The following SIL1 variants were observed in gnomAD, a reference collection of about 807,000 sequenced individuals.
The protein encoded by SIL1 is SIL1 nucleotide exchange factor, also known as nucleotide exchange factor SIL1.
Under a neutral mutation model 49.1 loss-of-function variants are expected in SIL1, and 40 were observed. That is an observed-to-expected ratio of 0.81 (90% CI 0.63 to 1.06). The LOEUF is 1.06. SIL1 is among the 50% of genes least tolerant of loss of function. The probability of loss-of-function intolerance (pLI) is 0.00; values close to 1 mark genes in which losing one functional copy is unlikely to be tolerated. For synonymous variants in SIL1, 253 were observed against 250.8 expected (o/e 1.01, Z -0.08); for missense variants, 500 against 572.6 (o/e 0.87, Z 1.29).
chr5:138,951,039 G>A, intron 9 of SIL1, 132 bp downstream of exon 9: 1 of 1,032,486 alleles, frequency 9.7e-7, no homozygotes, highest in Non-Finnish European at 1.5e-6. Flanking sequence ...CCAACTGTCT[G>A]TCTGTCCATC....
rs1580971319 is a variant in SIL1 at position 138,947,102 on chromosome 5, T to C, written c.*15A>G. ...CCTCACTAGCGGCATCCCAGTCCAG[T>C]CCTGGTGTGGGGCCTCATCTCAGCT... On this transcript the variant is annotated 3_prime_UTR_variant, in exon 10 of 10. Coordinates refer to ENST00000394817, the MANE Select transcript of SIL1 (RefSeq NM_022464.5). This position sits in a 1 kb window ranked among gnomAD's most constrained non-coding sequence, Gnocchi z 4.1. The C allele has an allele frequency of 6.3e-7, 1 of 1,597,468 alleles. No individual in the cohort carries two copies. Among genetic ancestry groups the C allele is most frequent in the Non-Finnish European group, 8.6e-7 (1 of 1,166,932 alleles).
chr5:139,045,263 G>A (rs1769131239), intron 4 of SIL1, among the ~76,000 whole-genome samples: 1 of 152,162 alleles, frequency 6.6e-6, no homozygotes, highest in South Asian at 2.1e-4. Flanking sequence ...AGCCTGAGGT[G>A]GGAGGATTGC....
chr5:139,028,390 C>T (rs1407597229), intron 5 of SIL1, among the ~76,000 whole-genome samples: 1 of 151,906 alleles, frequency 6.6e-6, no homozygotes, highest in African/African-American at 2.4e-5. Context: ...CCCAGCTACT[C>T]GGGAGGCTGA....
chr5:139,055,793 G>T (rs1459855047), intron 3 of SIL1, among the ~76,000 whole-genome samples: 1 of 124,354 alleles, frequency 8.0e-6, no homozygotes, highest in African/African-American at 3.5e-5. Context: ...GCCTCAGCCT[G>T]CCGAGTGCCT....
chr5:139,181,098 C>T (rs918733363), intron 1 of SIL1, among the ~76,000 whole-genome samples: 6 of 152,166 alleles, frequency 3.9e-5, no homozygotes, highest in African/African-American at 1.4e-4. Context: ...CATTATTGTG[C>T]TTTTTTTCTG....
At chr5:139,128,247 T>C (rs1750793537) in intron 1 of SIL1, among the ~76,000 whole-genome samples, 1 of 152,126 alleles carries the variant, frequency 6.6e-6, no homozygotes, top group South Asian at 2.1e-4. Flanking sequence ...ACCACCCACT[T>C]CTAAAACACA....
chr5:139,129,062 G>A (rs772085732), intron 1 of SIL1, among the ~76,000 whole-genome samples: 4 of 152,134 alleles, frequency 2.6e-5, no homozygotes, highest in African/African-American at 9.7e-5. Context: ...TGGGAGGATC[G>A]CGTAAGCCTG....
Position 139,177,230 on chromosome 5 carries a change from C to A in SIL1, c.-11+21039G>T, listed in dbSNP as rs191003677. Among the ~76,000 whole-genome samples the A allele has an allele frequency of 1.3e-3, 191 of 150,726 alleles. 1 individual carries two copies. Among genetic ancestry groups the A allele is most frequent in the African/African-American group, 4.3e-3 (178 of 40,958 alleles). ...TATAGGCGTGAGCCACCACGCCTGG[C>A]CTTTATTTTATTTATTTATTTATTT... On this transcript the variant is annotated intron_variant, in intron 1 of 9. Coordinates refer to ENST00000394817, the MANE Select transcript of SIL1 (RefSeq NM_022464.5).
At chr5:138,957,549 G>A (rs1284802792) in intron 7 of SIL1, among the ~76,000 whole-genome samples, 1 of 151,818 alleles carries the variant, frequency 6.6e-6, no homozygotes, top group East Asian at 1.9e-4. Flanking sequence ...AACAGAGTGA[G>A]ATTCTGTCTC....
At chr5:139,031,641 A>C (rs1337721451) in intron 5 of SIL1, among the ~76,000 whole-genome samples, 1 of 152,218 alleles carries the variant, frequency 6.6e-6, no homozygotes, top group Non-Finnish European at 1.5e-5. Context: ...TCTACAAAAA[A>C]ATCCTGCTGA....
intron 7 of SIL1, among the ~76,000 whole-genome samples, chr5:138,959,456 A>G (rs1286634111): frequency 6.6e-6 from 1 of 152,212 alleles, no homozygotes; most frequent in Non-Finnish European, 1.5e-5. Context: ...TCTGATACTG[A>G]GCTGAAATCT....
At chr5:139,176,153 AC>A (rs35652880) in intron 1 of SIL1, among the ~76,000 whole-genome samples, 3 of 152,000 alleles carry the variant, frequency 2.0e-5, no homozygotes, top group Non-Finnish European at 4.4e-5. Flanking sequence ...GAGCCACTGC[AC>A]CCTGACTCTT....
At chr5:139,180,132 G>A (rs1751956294) in intron 1 of SIL1, among the ~76,000 whole-genome samples, 1 of 151,156 alleles carries the variant, frequency 6.6e-6, no homozygotes, top group Non-Finnish European at 1.5e-5. Flanking sequence ...GGGAGACCGA[G>A]GTGGGTGGAT....
At chr5:139,080,224 TAAG>T (rs1428270250) in intron 3 of SIL1, among the ~76,000 whole-genome samples, 1 of 152,194 alleles carries the variant, frequency 6.6e-6, no homozygotes, top group Non-Finnish European at 1.5e-5. Context: ...GTTTTTTAAT[TAAG>T]AAGTCAACAT....
chr5:139,105,854 T>C (rs1194004099), intron 3 of SIL1, among the ~76,000 whole-genome samples: 1 of 152,184 alleles, frequency 6.6e-6, no homozygotes, highest in Non-Finnish European at 1.5e-5. Context: ...GGTAAACATT[T>C]CCATCAGAAG....
In SIL1 at chr5:139,011,982, T is replaced by C. The variant is rs903279538; in HGVS notation, c.767+9189A>G. Among the ~76,000 whole-genome samples, 8 of 152,216 alleles carry C rather than the reference T, an allele frequency of 5.3e-5. No individual in the cohort carries two copies. In the South Asian group the frequency reaches 1.7e-3, roughly 32 times the overall value. On this transcript the variant is annotated intron_variant, in intron 7 of 9. Transcript: ENST00000394817. ...GTCATAGCTAGCACTATTTTATCTA[T>C]ACCCCGACTCAGCCACCTACCCACC...
intron 1 of SIL1, among the ~76,000 whole-genome samples, chr5:139,143,028 A>G (rs1751111347): frequency 1.3e-5 from 2 of 151,752 alleles, no homozygotes; most frequent in Non-Finnish European, 2.9e-5. Flanking sequence ...TTGGCCTTCC[A>G]AAGTGCTGGG....
rs1406680812 is a variant in SIL1, at chr5:138,946,961, TCTACACA to T, written c.*149_*155del. 10 of 694,072 alleles carry T rather than the reference TCTACACA, an allele frequency of 1.4e-5. No individual in the cohort carries two copies. The highest frequency in any genetic ancestry group is 9.9e-5 in the South Asian group (6 of 60,456). The allele number at this position is 694,072 out of a possible 1,614,324, so 43.0% of individuals were successfully genotyped here. ...CCCCCGGCCACAGGGCTGTGCCCAG[TCTACACA>T]GACACACAGCAGAAAGAGGATGGCC... On this transcript the variant is annotated 3_prime_UTR_variant, in exon 10 of 10. Coordinates refer to ENST00000394817, the MANE Select transcript of SIL1 (RefSeq NM_022464.5).
chr5:139,059,746 A>G (rs1284475801), intron 3 of SIL1, among the ~76,000 whole-genome samples: 2 of 152,132 alleles, frequency 1.3e-5, no homozygotes, highest in African/African-American at 2.4e-5. Context: ...ATATTTCTAT[A>G]TCTATTTATC....
Sources: allele counts gnomAD v4.1 joint callset (sites outside exome capture counted in the v4.1 genomes callset), GRCh38; gene constraint gnomAD v4.1.1; non-coding constraint Gnocchi (gnomAD v3.1); transcripts MANE v1.5; gene names NCBI Gene and HGNC (gene_info 2026-07-23, HGNC 2026-07-21).